The following TRPM7 variants were observed in gnomAD, a reference collection of about 807,000 sequenced individuals.
The protein encoded by TRPM7 is LTRPC ion channel family member 7.
TRPM7 carries 134 observed loss-of-function variants against 229.7 expected under a neutral mutation model. That is an observed-to-expected ratio of 0.58 (90% CI 0.51 to 0.67). The LOEUF is 0.67. Ranked by LOEUF, TRPM7 falls within the 30% of genes least tolerant of loss-of-function variation. TRPM7 has a pLI of 0.00. For missense variants in TRPM7, 1,901 were observed against 2,210.0 expected, an observed-to-expected ratio of 0.86 and a Z score of 2.80; for synonymous variants, 699 against 715.2, an observed-to-expected ratio of 0.98 and a Z score of 0.36.
intron 1 of TRPM7, among the ~76,000 whole-genome samples, chr15:50,683,235 A>T (rs77574090): frequency 0.077 from 2,983 of 38,816 alleles, 118 homozygotes; most frequent in African/African-American, 0.17. Context: ...CAGTCACTTA[A>T]AAAAAAAAAA....
At chr15:50,623,802 A>G (rs1334479866) in intron 12 of TRPM7, among the ~76,000 whole-genome samples, 4 of 152,004 alleles carry the variant, frequency 2.6e-5, no homozygotes, top group African/African-American at 7.2e-5. Context: ...AAAAAGAAAA[A>G]AAAAAAGAGA....
rs139341509 is a variant in TRPM7 at position 50,627,453 on chromosome 15, A to G, written c.1305+696T>C. 2.3e-4 allele frequency among the ~76,000 whole-genome samples: 35 copies of G among 152,272 alleles called. No individual in the cohort carries two copies. The East Asian group carries it at 6.4e-3, about 28-fold the overall frequency. The stretch of plus-strand genomic sequence containing the variant: ...AGAGAGACAGGCAAGTACAAAGCCT[A>G]GAGATAGGAGCATGCTTGATATGTT... On this transcript the variant is annotated intron_variant, in intron 11 of 38. Coordinates refer to ENST00000646667, the MANE Select transcript of TRPM7 (RefSeq NM_017672.6).
chr15:50,570,677 T>TTA (rs1491559427), intron 36 of TRPM7, among the ~76,000 whole-genome samples: 15 of 91,726 alleles, frequency 1.6e-4, no homozygotes, highest in Non-Finnish European at 2.9e-4. Context: ...ACTTCATTCC[T>TTA]AAAAAAAAAA....
rs1352868988 is a variant in TRPM7, at chr15:50,559,732, TTAGAG to T, written c.*1941_*1945del. 1 of 152,138 alleles carries T rather than the reference TTAGAG, an allele frequency of 6.6e-6. No homozygotes were observed. The highest frequency in any genetic ancestry group is 2.4e-5 in the African/African-American group (1 of 41,428). 9.4% of individuals were successfully genotyped at this position (152,138 alleles called of 1,614,324 possible). ...AAGTAGGTTAATATATGTGAAATAC[TTAGAG>T]TAATGTCTGGTACACAGTAGGCACT... is the stretch of plus-strand genomic sequence containing the variant. On this transcript the variant is annotated 3_prime_UTR_variant, in exon 39 of 39. Transcript: ENST00000646667.
chr15:50,656,232 A>G (rs2061566553), intron 3 of TRPM7, among the ~76,000 whole-genome samples: 1 of 152,182 alleles, frequency 6.6e-6, no homozygotes, highest in South Asian at 2.1e-4. Flanking sequence ...CACCATCTAT[A>G]AGAAGAAATG....
At position 50,558,760 on chromosome 15, in the gene TRPM7, G is replaced by C. The variant is rs1325154239; in HGVS notation, c.*2918C>G. On this transcript the variant is annotated 3_prime_UTR_variant, in exon 39 of 39. Coordinates refer to ENST00000646667, the MANE Select transcript of TRPM7 (RefSeq NM_017672.6). ...TATATAAAATTAGGTACGTGTGGTG[G>C]TGCATGCCTGTGGTTCCACCTAATC... 6.6e-6 allele frequency: 1 copy of C among 152,010 alleles called. No individual in the cohort carries two copies. The highest frequency in any genetic ancestry group is 1.5e-5 in the Non-Finnish European group (1 of 68,018). 9.4% of individuals were successfully genotyped at this position (152,010 alleles called of 1,614,324 possible).
intron 1 of TRPM7, among the ~76,000 whole-genome samples, chr15:50,669,237 T>C: frequency 6.6e-6 from 1 of 151,384 alleles, no homozygotes. Flanking sequence ...AGGTCTGGAG[T>C]TCGAGACCAG....
intron 6 of TRPM7, among the ~76,000 whole-genome samples, chr15:50,639,028 G>T (rs1167556906): frequency 6.6e-6 from 1 of 152,114 alleles, no homozygotes; most frequent in African/African-American, 2.4e-5. Flanking sequence ...CAATTCACAT[G>T]TCTTTAACCT....
chr15:50,570,801 G>A (rs1166038217), intron 36 of TRPM7, among the ~76,000 whole-genome samples: 3 of 150,886 alleles, frequency 2.0e-5, no homozygotes, highest in Non-Finnish European at 2.9e-5. Flanking sequence ...GTTGCAGTGA[G>A]CCAAAATCGT....
chr15:50,652,098 C>T (rs1283815422), intron 3 of TRPM7, among the ~76,000 whole-genome samples: 3 of 151,336 alleles, frequency 2.0e-5, no homozygotes, highest in Non-Finnish European at 4.4e-5. Flanking sequence ...TTCAGGGGGC[C>T]GAGGCGGGTG....
chr15:50,593,853 C>T, intron 24 of TRPM7, 104 bp from the exon 25 acceptor site: 1 of 1,144,372 alleles, frequency 8.7e-7, no homozygotes, highest in Non-Finnish European at 1.2e-6. Context: ...CTACATCCAT[C>T]ATCTGCACTT....
At chr15:50,613,624 T>G (rs2060127204) in intron 15 of TRPM7, 83 bp downstream of exon 15, 1 of 1,235,412 alleles carries the variant, frequency 8.1e-7, no homozygotes, top group South Asian at 2.2e-5. Flanking sequence ...CTAAATCAAT[T>G]AGTTTTTTTT....
At chr15:50,648,405 A>G (rs1020035135) in intron 4 of TRPM7, among the ~76,000 whole-genome samples, 2 of 152,258 alleles carry the variant, frequency 1.3e-5, no homozygotes, top group Non-Finnish European at 2.9e-5. Flanking sequence ...TCTCTTAAAC[A>G]TAAAAGGTTA....
chr15:50,612,946 G>C, intron 15 of TRPM7, 117 bp from the exon 16 acceptor site: 2 of 806,504 alleles, frequency 2.5e-6, no homozygotes, highest in Non-Finnish European at 3.6e-6. Flanking sequence ...CTGCACAATA[G>C]CATAAATTTT....
At chr15:50,619,378 G>C (rs908698034) in intron 13 of TRPM7, among the ~76,000 whole-genome samples, 2 of 151,782 alleles carry the variant, frequency 1.3e-5, no homozygotes, top group African/African-American at 4.8e-5. Context: ...GCACCACCAT[G>C]CCCAGGTAAT....
In TRPM7 at chr15:50,592,413, C is replaced by T. The variant is rs1252868854; in HGVS notation, c.3822G>A (p.Leu1274=). 6 of 1,614,012 alleles carry T rather than the reference C, an allele frequency of 3.7e-6. No homozygotes were observed. The highest frequency in any genetic ancestry group is 1.3e-5 in the African/African-American group (1 of 74,896). The change falls in exon 26 of 39, where the codon TTG becomes TTA. Residue 1274 remains leucine, a synonymous_variant. Coordinates refer to ENST00000646667, the MANE Select transcript of TRPM7 (RefSeq NM_017672.6). ...ITRELSISKH[L]AQNLIDDGPV... is the part of the protein sequence containing the mutation. ...GACCATCATCAATAAGGTTTTGAGC[C>T]AAGTGTTTGGAAATGCTCAGTTCTC...
chr15:50,643,223 A>G (rs1328876123), intron 5 of TRPM7, 117 bp downstream of exon 5: 1 of 770,898 alleles, frequency 1.3e-6, no homozygotes, highest in East Asian at 2.6e-5. Flanking sequence ...CGGGAGGCAG[A>G]GGTTGCAGTG....
intron 38 of TRPM7, among the ~76,000 whole-genome samples, chr15:50,562,846 AG>A (rs920974890): frequency 9.9e-5 from 15 of 152,134 alleles, no homozygotes; most frequent in Admixed American, 2.6e-4. Flanking sequence ...AAGATGGTAT[AG>A]GGTGATTGTT....
chr15:50,621,247 A>T (rs1264634078), intron 12 of TRPM7, among the ~76,000 whole-genome samples: 1 of 151,908 alleles, frequency 6.6e-6, no homozygotes, highest in Admixed American at 6.6e-5. Flanking sequence ...CCACAGGTGA[A>T]CTTTTTAAAA....
Sources: allele counts gnomAD v4.1 joint callset (sites outside exome capture counted in the v4.1 genomes callset), GRCh38; gene constraint gnomAD v4.1.1; transcripts MANE v1.5; gene names NCBI Gene and HGNC (gene_info 2026-07-23, HGNC 2026-07-21).